Variants in RNF17 observed in about 807,000 individuals in gnomAD.
RNF17 encodes the protein ring finger protein 17.
Under a neutral mutation model 200.5 loss-of-function variants are expected in RNF17, and 31 were observed. The observed-to-expected ratio is 0.15, with a 90% CI of 0.12 to 0.21. The LOEUF (loss-of-function observed/expected upper bound fraction) is 0.21, where lower values mean the gene tolerates loss of function less well. Ranked by LOEUF, RNF17 falls within the 10% of genes least tolerant of loss-of-function variation. The pLI, the probability that RNF17 is intolerant of heterozygous loss-of-function variation, is 1.00. For missense variants in RNF17, 1,628 were observed against 1,905.1 expected, an observed-to-expected ratio of 0.85 and a Z score of 2.71; for synonymous variants, 606 against 637.8, an observed-to-expected ratio of 0.95 and a Z score of 0.75.
At chr13:24,851,309 ATG>A (rs1891868951) in intron 23 of RNF17, 145 bp from the exon 24 acceptor site, 1 of 652,166 alleles carries the variant, frequency 1.5e-6, no homozygotes, top group Non-Finnish European at 2.7e-6. Flanking sequence ...CTATTTTTGG[ATG>A]TGTTTAGATA....
At chr13:24,759,911 C>T (rs1404054323), upstream of RNF17, among the ~76,000 whole-genome samples, 2 of 152,052 alleles carry the variant, frequency 1.3e-5, no homozygotes, top group African/African-American at 2.4e-5. Flanking sequence ...GAGGATGAGG[C>T]GGGTGGATAA....
chr13:24,809,606 A>G (rs1055843083), intron 15 of RNF17, among the ~76,000 whole-genome samples: 4 of 151,668 alleles, frequency 2.6e-5, no homozygotes, highest in Non-Finnish European at 4.4e-5. Flanking sequence ...TGGATTCATT[A>G]ATTTTTTGAA....
intron 16 of RNF17, among the ~76,000 whole-genome samples, chr13:24,826,515 G>A (rs1888654287): frequency 6.6e-6 from 1 of 152,228 alleles, no homozygotes; most frequent in African/African-American, 2.4e-5. Flanking sequence ...GCTCATGCCT[G>A]TAAATCCCAG....
downstream of RNF17, chr13:24,883,886 A>G: frequency 1.3e-6 from 2 of 1,574,138 alleles, no homozygotes; most frequent in South Asian, 2.2e-5. Context: ...CAGAAACGCA[A>G]GGCTGGGGCA....
chr13:24,763,385 T>A (rs908853061), upstream of RNF17, among the ~76,000 whole-genome samples: 20 of 147,970 alleles, frequency 1.4e-4, no homozygotes, highest in African/African-American at 4.7e-4. Context: ...TTTTTTTTTT[T>A]TTTTTGTATT....
the RNF17 span, among the ~76,000 whole-genome samples, chr13:24,750,070 A>G: frequency 6.6e-6 from 1 of 152,124 alleles, no homozygotes; most frequent in Admixed American, 6.5e-5. Flanking sequence ...TGTTTTTCAC[A>G]AGGGACTCTG....
At position 24,859,066 on chromosome 13, in the gene RNF17, C is replaced by G; in HGVS notation, c.3676C>G (p.Pro1226Ala). The G allele has an allele frequency of 1.2e-6, 2 of 1,609,370 alleles. No individual in the cohort carries two copies. Among genetic ancestry groups the G allele is most frequent in the East Asian group, 2.2e-5 (1 of 44,816 alleles). The change falls in exon 26 of 36, where the codon CCT (proline) becomes GCT (alanine). Residue 1226 changes from proline to alanine, a missense_variant. This residue lies in a region of RNF17 where 609 missense variants were observed against 681.9 expected (regional missense o/e 0.89). Coordinates refer to ENST00000255324, the MANE Select transcript of RNF17 (RefSeq NM_031277.3). Reference protein sequence around the residue: ...SNLKCLGLLEPYFWKKGEACA... With the variant: ...SNLKCLGLLEAYFWKKGEACA... ...TTTAAAATGCCTTGGTCTTTTGGAG[C>G]CTTATTTCTGGAAAAAAGGAGAAGC... is the stretch of plus-strand genomic sequence containing the variant.
chr13:24,841,392 A>T (rs1007596759), intron 18 of RNF17, among the ~76,000 whole-genome samples: 10 of 152,236 alleles, frequency 6.6e-5, no homozygotes, highest in Non-Finnish European at 1.5e-4. Context: ...TCCTCCTGGA[A>T]CTTGGTTGAG....
chr13:24,772,801 G>A (rs1229157167), intron 2 of RNF17, among the ~76,000 whole-genome samples: 1 of 151,804 alleles, frequency 6.6e-6, no homozygotes, highest in Admixed American at 6.6e-5. Flanking sequence ...TAGTAGAGAC[G>A]GGGTTTCACC....
intron 15 of RNF17, among the ~76,000 whole-genome samples, chr13:24,816,848 G>A (rs11616344): frequency 0.12 from 18,843 of 152,054 alleles, 1,270 homozygotes; most frequent in Admixed American, 0.15. Flanking sequence ...AGGCAAGAAG[G>A]CATTGTCCCA....
downstream of RNF17, chr13:24,884,002 T>C (rs780864883): frequency 1.8e-5 from 29 of 1,614,078 alleles, no homozygotes; most frequent in East Asian, 6.0e-4. Context: ...GAAAATGCTT[T>C]CTTCTTGTCC....
At chr13:24,800,987 T>G (rs868605444) in intron 13 of RNF17, among the ~76,000 whole-genome samples, 6 of 152,226 alleles carry the variant, frequency 3.9e-5, no homozygotes, top group African/African-American at 1.4e-4. Flanking sequence ...TGTTAAGCAG[T>G]TGTATTCTTA....
At position 24,764,241 on chromosome 13, in the gene RNF17, C is replaced by CCA. The variant is rs1275560846; in HGVS notation, c.38_39insCA (p.Ser14IlefsTer49). ...GCTTCGAAGACTGGGCCTTCTAGGTCTTCCTACCAGCGAATGGGGAGGAAG... is the reference window on the plus strand; with the variant it reads ...GCTTCGAAGACTGGGCCTTCTAGGTCCATTCCTACCAGCGAATGGGGAGGAAG... On this transcript the variant is annotated frameshift_variant, in exon 1 of 36. Coordinates refer to ENST00000255324, the MANE Select transcript of RNF17 (RefSeq NM_031277.3). LOFTEE classifies it high-confidence loss of function. 1 of 1,608,508 alleles carries CCA rather than the reference C, an allele frequency of 6.2e-7. No individual in the cohort carries two copies. The highest frequency in any genetic ancestry group is 8.5e-7 in the Non-Finnish European group (1 of 1,175,816).
Position 24,843,794 on chromosome 13 carries a change from C to T in RNF17, c.2654C>T (p.Ser885Phe), listed in dbSNP as rs1890949152. The stretch of plus-strand genomic sequence containing the variant: ...AAGCATATTGAAGTTTGGGATCCTT[C>T]TCCAGAAGAAATTATTTCAAATGAA... ...SQKHIEVWDP[S>F]PEEIISNEVH... The change falls in exon 20 of 36, where the codon TCT becomes TTT. Residue 885 changes from serine (S) to phenylalanine (F), a missense_variant. Coordinates refer to ENST00000255324, the MANE Select transcript of RNF17 (RefSeq NM_031277.3). The T allele has an allele frequency of 6.2e-7, 1 of 1,609,328 alleles. No homozygotes were observed. The highest frequency in any genetic ancestry group is 2.2e-5 in the East Asian group (1 of 44,722).
Position 24,845,070 on chromosome 13 carries a change from T to G in RNF17, c.3092T>G (p.Val1031Gly), listed in dbSNP as rs772131599. The change falls in exon 22 of 36, where the codon GTT (valine) becomes GGT (glycine). Residue 1031 changes from valine to glycine, a missense_variant. By Grantham distance (109) the Val-to-Gly change is moderately radical. This residue lies in a region of RNF17 where 227 missense variants were observed against 319.8 expected (regional missense o/e 0.71). Transcript: ENST00000255324. ...AGACTCTCTTTGGAATGTTCTCTGG[T>G]TGACATAAGGTAGTTTTTAGCTGAG... ...MGRLSLECSLVDIRPAGGSDK... is the reference protein window; with the variant it reads ...MGRLSLECSLGDIRPAGGSDK... 50 of 1,487,376 alleles carry G rather than the reference T, an allele frequency of 3.4e-5. 2 individuals carry two copies. The South Asian group carries it at 5.6e-4, about 17-fold the overall frequency. The allele number at this position is 1,487,376 out of a possible 1,614,324, so 92.1% of individuals were successfully genotyped here.
At chr13:24,844,826 A>C (rs1891063689) in intron 21 of RNF17, 24 bp downstream of exon 21, 1 of 1,603,634 alleles carries the variant, frequency 6.2e-7, no homozygotes, top group African/African-American at 1.3e-5. Context: ...TTAAAAGTGT[A>C]ATTGTGAAGG....
intron 1 of RNF17, among the ~76,000 whole-genome samples, chr13:24,765,781 T>C (rs1405415653): frequency 2.6e-5 from 4 of 152,222 alleles, no homozygotes; most frequent in Non-Finnish European, 5.9e-5. Context: ...TTTTGAGTTA[T>C]TCAGTATCAG....
rs1418977088 is a variant in RNF17, at chr13:24,879,216, A to G, written c.4803A>G (p.Leu1601=). 1 of 1,613,670 alleles carries G rather than the reference A, an allele frequency of 6.2e-7. No homozygotes were observed. Among genetic ancestry groups the G allele is most frequent in the Non-Finnish European group, 8.5e-7 (1 of 1,179,688 alleles). ...MAPAPEQIVT[L]YDDEQHPVHM... ...CAGCACCAGAACAGATAGTGACATTATATGACGATGAACAGCATCCAGTTC... is the reference window on the plus strand; with the variant it reads ...CAGCACCAGAACAGATAGTGACATTGTATGACGATGAACAGCATCCAGTTC... The change falls in exon 35 of 36, where the codon TTA becomes TTG. Residue 1601 remains leucine (L), a synonymous_variant. Coordinates refer to ENST00000255324, the MANE Select transcript of RNF17 (RefSeq NM_031277.3).
intron 3 of RNF17, among the ~76,000 whole-genome samples, chr13:24,775,598 T>A (rs1049437023): frequency 3.9e-5 from 6 of 152,180 alleles, no homozygotes; most frequent in African/African-American, 7.2e-5. Flanking sequence ...TGGAAGACTT[T>A]GTGAAGAGTT....
Sources: gnomAD v4.1 joint callset for allele counts (sites outside exome capture counted in the v4.1 genomes callset) on GRCh38, gnomAD v4.1.1 for gene constraint, gnomAD v4.1.1 regional missense constraint, MANE v1.5 for transcripts, NCBI Gene and HGNC (gene_info 2026-07-23, HGNC 2026-07-21) for gene names.